The following EEFSEC variants were observed in gnomAD, a reference collection of about 807,000 sequenced individuals.
EEFSEC encodes eukaryotic elongation factor, selenocysteine-tRNA specific.
Under a neutral mutation model 42.1 loss-of-function variants are expected in EEFSEC, and 43 were observed. That is an observed-to-expected ratio of 1.02 (90% CI 0.80 to 1.32). The LOEUF is 1.32. Among genes scored for constraint, EEFSEC ranks in the 40% most tolerant of loss-of-function variants. The pLI is 0.00. For missense variants in EEFSEC, 745 were observed against 803.6 expected, an observed-to-expected ratio of 0.93 and a Z score of 0.88; for synonymous variants, 354 against 339.1, an observed-to-expected ratio of 1.04 and a Z score of -0.48.
chr3:128,247,280 A>G (rs2066138286), intron 2 of EEFSEC, among the ~76,000 whole-genome samples: 1 of 152,260 alleles, frequency 6.6e-6, no homozygotes, highest in South Asian at 2.1e-4. Flanking sequence ...ATGAGGCACA[A>G]GCCCTTCTGT....
At chr3:128,183,829 C>T (rs543075129) in intron 1 of EEFSEC, among the ~76,000 whole-genome samples, 167 of 152,280 alleles carry the variant, frequency 1.1e-3, no homozygotes, top group African/African-American at 3.8e-3. Context: ...AAGTTGCTTT[C>T]CATTCCTTAT....
At chr3:128,226,532 G>A (rs1441653210) in intron 1 of EEFSEC, among the ~76,000 whole-genome samples, 3 of 152,156 alleles carry the variant, frequency 2.0e-5, no homozygotes, top group Non-Finnish European at 2.9e-5. Context: ...TGGGGCTTCC[G>A]TAGCCCCCTG....
intron 5 of EEFSEC, among the ~76,000 whole-genome samples, chr3:128,343,872 A>C (rs938615162): frequency 6.6e-6 from 1 of 152,226 alleles, no homozygotes; most frequent in African/African-American, 2.4e-5. Flanking sequence ...AAGTGGAAGC[A>C]CAAGAACTGT....
At chr3:128,378,048 T>C (rs1038814861) in intron 6 of EEFSEC, among the ~76,000 whole-genome samples, 2 of 152,222 alleles carry the variant, frequency 1.3e-5, no homozygotes, top group African/African-American at 4.8e-5. Flanking sequence ...GTTCACAGTC[T>C]GGCATCTTTA....
intron 1 of EEFSEC, among the ~76,000 whole-genome samples, chr3:128,233,558 C>A (rs2065979710): frequency 6.6e-6 from 1 of 152,232 alleles, no homozygotes; most frequent in Non-Finnish European, 1.5e-5. Context: ...TCAGGAAGTT[C>A]TCTTACAGAT....
intron 1 of EEFSEC, among the ~76,000 whole-genome samples, chr3:128,173,242 C>A (rs1431912786): frequency 1.3e-5 from 2 of 152,188 alleles, no homozygotes; most frequent in Non-Finnish European, 1.5e-5. Flanking sequence ...CTGGAACCAT[C>A]AGTTTCCAAA....
At position 128,257,517 on chromosome 3, in the gene EEFSEC, G is replaced by A. The variant is rs560657773; in HGVS notation, c.525-4611G>A. On this transcript the variant is annotated intron_variant, in intron 2 of 6. Coordinates refer to ENST00000254730, the MANE Select transcript of EEFSEC (RefSeq NM_021937.5). Reference sequence around the variant, plus strand: ...ACTGCCCACAATTTCAGTGAAGCAAGTCTGAGTACAGGATTTTTCTGTTTT... The same window carrying A: ...ACTGCCCACAATTTCAGTGAAGCAAATCTGAGTACAGGATTTTTCTGTTTT... Among the ~76,000 whole-genome samples, 66 of 152,272 alleles carry A rather than the reference G, an allele frequency of 4.3e-4. 1 individual carries two copies. Among genetic ancestry groups the A allele is most frequent in the African/African-American group, 1.6e-3 (65 of 41,552 alleles).
chr3:128,301,074 A>G (rs1320476707), intron 4 of EEFSEC, among the ~76,000 whole-genome samples: 2 of 152,214 alleles, frequency 1.3e-5, no homozygotes, highest in Admixed American at 6.5e-5. Flanking sequence ...AGAAGAACCT[A>G]TCAGCACAAG....
intron 6 of EEFSEC, among the ~76,000 whole-genome samples, chr3:128,368,782 G>A (rs1029229539): frequency 5.9e-5 from 9 of 152,238 alleles, no homozygotes; most frequent in South Asian, 2.1e-4. Context: ...TGTTGCAGGC[G>A]TTGGGAGTGG....
intron 4 of EEFSEC, among the ~76,000 whole-genome samples, chr3:128,266,256 G>A (rs2066352574): frequency 6.6e-6 from 1 of 152,174 alleles, no homozygotes; most frequent in African/African-American, 2.4e-5. Context: ...GCCCAGCTAA[G>A]TTGACACATA....
At position 128,192,277 on chromosome 3, in the gene EEFSEC, G is replaced by C. The variant is rs552336831; in HGVS notation, c.316+38454G>C. 3.9e-5 allele frequency among the ~76,000 whole-genome samples: 6 copies of C among 152,276 alleles called. No homozygotes were observed. In the East Asian group the frequency reaches 1.2e-3, roughly 29 times the overall value. ...CTCGTTTCTCTCCAGGCTGCCATGT[G>C]AACCTGACACGGTTGGGTGTGAGAA... On this transcript the variant is annotated intron_variant, in intron 1 of 6. Coordinates refer to ENST00000254730, the MANE Select transcript of EEFSEC (RefSeq NM_021937.5).
the EEFSEC span, among the ~76,000 whole-genome samples, chr3:128,425,988 C>T: frequency 6.6e-6 from 1 of 152,210 alleles, no homozygotes; most frequent in Non-Finnish European, 1.5e-5. Flanking sequence ...TGTGACTCAG[C>T]GACTTTTTGG....
intron 4 of EEFSEC, among the ~76,000 whole-genome samples, chr3:128,275,528 G>T (rs1331406169): frequency 6.6e-6 from 1 of 152,230 alleles, no homozygotes; most frequent in Non-Finnish European, 1.5e-5. Context: ...CTGGCCCTGG[G>T]GGAGCCCTCA....
intron 2 of EEFSEC, among the ~76,000 whole-genome samples, chr3:128,252,660 CTATT>C (rs1340056202): frequency 1.3e-5 from 2 of 151,866 alleles, no homozygotes; most frequent in African/African-American, 2.4e-5. Flanking sequence ...TATTTATACT[CTATT>C]TGTTTATATA....
chr3:128,160,729 G>A (rs114314355), intron 1 of EEFSEC, among the ~76,000 whole-genome samples: 1,719 of 152,276 alleles, frequency 0.011, 23 homozygotes, highest in African/African-American at 0.039. Context: ...TCTGAGTTCT[G>A]TGATGATATC....
At position 128,153,653 on chromosome 3, in the gene EEFSEC, T is replaced by G; in HGVS notation, c.146T>G (p.Leu49Arg). ...CAGAGCCGCGAGCGCGGCATCACGC[T>G]CGATCTGGGCTTCTCGTGCTTCTCG... ...QPQSRERGIT[L>R]DLGFSCFSVP... The change falls in exon 1 of 7, where the codon CTC becomes CGC. Residue 49 changes from leucine to arginine, a missense_variant. Transcript: ENST00000254730. 1 of 1,598,408 alleles carries G rather than the reference T, an allele frequency of 6.3e-7. No individual in the cohort carries two copies. The highest frequency in any genetic ancestry group is 8.5e-7 in the Non-Finnish European group (1 of 1,178,160).
intron 1 of EEFSEC, among the ~76,000 whole-genome samples, chr3:128,235,928 G>A (rs2066004531): frequency 6.6e-6 from 1 of 150,516 alleles, no homozygotes; most frequent in South Asian, 2.1e-4. Context: ...TCTCCCCTGT[G>A]TGGATGGGCA....
At chr3:128,379,635 G>A (rs528352470) in intron 6 of EEFSEC, among the ~76,000 whole-genome samples, 1 of 152,334 alleles carries the variant, frequency 6.6e-6, no homozygotes, top group East Asian at 1.9e-4. Context: ...TGGCTGTCAT[G>A]TCTCTGGGGC....
intron 1 of EEFSEC, among the ~76,000 whole-genome samples, chr3:128,235,446 C>T (rs2065998710): frequency 6.9e-6 from 1 of 145,974 alleles, no homozygotes; most frequent in African/African-American, 2.5e-5. Context: ...CTTAAAGGTA[C>T]AAAAAGGTAC....
Sources: allele counts gnomAD v4.1 joint callset (sites outside exome capture counted in the v4.1 genomes callset), GRCh38; gene constraint gnomAD v4.1.1; transcripts MANE v1.5; gene names NCBI Gene and HGNC (gene_info 2026-07-23, HGNC 2026-07-21).